Variants in TRABD2B observed in about 807,000 individuals in gnomAD.
TRABD2B encodes the protein metalloprotease TIKI2.
Under a neutral mutation model 40.1 loss-of-function variants are expected in TRABD2B, and 14 were observed. That is an observed-to-expected ratio of 0.35 (90% confidence interval 0.23 to 0.55). TRABD2B has a LOEUF of 0.55. Ranked by LOEUF, TRABD2B falls within the 20% of genes least tolerant of loss-of-function variation. The pLI is 0.90. For missense variants in TRABD2B, 541 were observed against 648.6 expected (o/e 0.83, Z 1.80); for synonymous variants, 263 against 277.0 (o/e 0.95, Z 0.50).
At chr1:47,838,647 T>C (rs1015241848) in intron 2 of TRABD2B, among the ~76,000 whole-genome samples, 1 of 152,242 alleles carries the variant, frequency 6.6e-6, no homozygotes, top group South Asian at 2.1e-4. Context: ...TAAGTCCCTT[T>C]GGTGACACTT....
At chr1:47,928,349 TA>T (rs1644996680) in intron 2 of TRABD2B, among the ~76,000 whole-genome samples, 1 of 152,226 alleles carries the variant, frequency 6.6e-6, no homozygotes, top group Admixed American at 6.5e-5. Flanking sequence ...TTGCCACCTG[TA>T]AAATGGGTAT....
At chr1:47,949,153 A>G (rs914277386) in intron 2 of TRABD2B, among the ~76,000 whole-genome samples, 60 of 152,300 alleles carry the variant, frequency 3.9e-4, no homozygotes, top group African/African-American at 1.4e-3. Flanking sequence ...TAATGCTACT[A>G]TGATGCATGC....
chr1:47,776,504 G>A (rs1644449166), intron 5 of TRABD2B, among the ~76,000 whole-genome samples: 1 of 152,218 alleles, frequency 6.6e-6, no homozygotes, highest in Non-Finnish European at 1.5e-5. Flanking sequence ...TCAGGCAGGC[G>A]CTAAAGTGTC....
intron 2 of TRABD2B, among the ~76,000 whole-genome samples, chr1:47,943,801 G>C (rs957199435): frequency 6.6e-5 from 8 of 121,694 alleles, no homozygotes; most frequent in African/African-American, 2.4e-4. Context: ...CACACACACA[G>C]AACACAATGG....
At chr1:47,805,072 G>T (rs1644873290) in intron 2 of TRABD2B, among the ~76,000 whole-genome samples, 1 of 152,122 alleles carries the variant, frequency 6.6e-6, no homozygotes, top group Admixed American at 6.5e-5. Flanking sequence ...GAGGAGAGGA[G>T]GCTAGGGTCC....
rs1276163737 is a variant in TRABD2B, at chr1:47,994,192, C to T, written c.508G>A (p.Val170Ile). The T allele has an allele frequency of 1.9e-6, 3 of 1,543,216 alleles. No homozygotes were observed. Among genetic ancestry groups the T allele is most frequent in the Non-Finnish European group, 2.6e-6 (3 of 1,150,170 alleles). Residue 170 changes from valine to isoleucine, a missense_variant, in exon 2 of 7, where the codon GTA (valine) becomes ATA (isoleucine). Val to Ile is a conservative substitution (Grantham distance 29). Transcript: ENST00000606738. This position sits in a 1 kb window ranked among gnomAD's most constrained non-coding sequence, Gnocchi z 6.7. ...ACGTCCCTCTCTGTGAGCGAGTTTA[C>T]CATGAGCATCACCCAGACGGGCCTC... is the stretch of plus-strand genomic sequence containing the variant. ...RKRPVWVMLM[V>I]NSLTERDVRF...
chr1:47,796,379 A>G (rs751246803), intron 3 of TRABD2B, among the ~76,000 whole-genome samples: 14 of 152,208 alleles, frequency 9.2e-5, no homozygotes, highest in Admixed American at 3.3e-4. Context: ...GGTGAGGTGG[A>G]TGGAGAGCCT....
chr1:47,830,897 T>C (rs1645239276), intron 2 of TRABD2B, among the ~76,000 whole-genome samples: 1 of 152,202 alleles, frequency 6.6e-6, no homozygotes, highest in Non-Finnish European at 1.5e-5. Context: ...GAAGAATGTT[T>C]CCAGCGTCTT....
intron 2 of TRABD2B, among the ~76,000 whole-genome samples, chr1:47,904,304 G>C (rs1416924404): frequency 6.6e-6 from 1 of 152,156 alleles, no homozygotes; most frequent in Non-Finnish European, 1.5e-5. Flanking sequence ...GATGGGGGAA[G>C]CACAGAGTGT....
At chr1:47,851,079 A>G (rs1444251282) in intron 2 of TRABD2B, among the ~76,000 whole-genome samples, 1 of 152,028 alleles carries the variant, frequency 6.6e-6, no homozygotes, top group Non-Finnish European at 1.5e-5. Flanking sequence ...CAGGCTATGG[A>G]CTGGTACCAG....
intron 2 of TRABD2B, among the ~76,000 whole-genome samples, chr1:47,834,895 T>C (rs1271203298): frequency 3.3e-5 from 5 of 152,114 alleles, no homozygotes; most frequent in African/African-American, 1.2e-4. Flanking sequence ...CAAGAAACTA[T>C]GAGCCATAAA....
intron 2 of TRABD2B, among the ~76,000 whole-genome samples, chr1:47,842,301 G>C (rs1359932977): frequency 6.6e-6 from 1 of 152,206 alleles, no homozygotes; most frequent in Non-Finnish European, 1.5e-5. Flanking sequence ...AGGGGCTCTG[G>C]CCACCTCAGA....
At chr1:47,792,564 C>A (rs187737979) in intron 4 of TRABD2B, among the ~76,000 whole-genome samples, 1 of 152,256 alleles carries the variant, frequency 6.6e-6, no homozygotes, top group Admixed American at 6.5e-5. Flanking sequence ...GAGAAGCTGG[C>A]GTTTGGCATG....
At chr1:47,934,352 C>G (rs12065858) in intron 2 of TRABD2B, among the ~76,000 whole-genome samples, 22,541 of 152,196 alleles carry the variant, frequency 0.15, 1,920 homozygotes, top group East Asian at 0.36. Context: ...CTCCCACAGT[C>G]CCTGCAGGCA....
chr1:47,780,581 C>T (rs1644507522), intron 4 of TRABD2B, among the ~76,000 whole-genome samples: 1 of 152,072 alleles, frequency 6.6e-6, no homozygotes. Context: ...GCTGTGAGGG[C>T]ACACAGGAGG....
chr1:47,995,258 G>T (rs1419264106), intron 1 of TRABD2B, among the ~76,000 whole-genome samples: 1 of 152,176 alleles, frequency 6.6e-6, no homozygotes, highest in Non-Finnish European at 1.5e-5. Flanking sequence ...CAGGTCTGGG[G>T]TGTCAGCTAC....
At chr1:47,872,247 A>G (rs1404366856) in intron 2 of TRABD2B, among the ~76,000 whole-genome samples, 3 of 152,182 alleles carry the variant, frequency 2.0e-5, no homozygotes, top group Non-Finnish European at 2.9e-5. Context: ...CTGGCCTCCC[A>G]GGATAACATT....
chr1:47,937,776 G>A (rs1645133336), intron 2 of TRABD2B, among the ~76,000 whole-genome samples: 1 of 152,184 alleles, frequency 6.6e-6, no homozygotes, highest in Non-Finnish European at 1.5e-5. Flanking sequence ...TCTGCCTCCT[G>A]CCCTGTGGAT....
At chr1:47,938,688 G>C (rs1270118289) in intron 2 of TRABD2B, among the ~76,000 whole-genome samples, 1 of 152,148 alleles carries the variant, frequency 6.6e-6, no homozygotes. Flanking sequence ...GGAATCATGT[G>C]TCCCTGTCTA....
Sources: allele counts gnomAD v4.1 joint callset (sites outside exome capture counted in the v4.1 genomes callset), GRCh38; gene constraint gnomAD v4.1.1; non-coding constraint Gnocchi (gnomAD v3.1); transcripts MANE v1.5; gene names NCBI Gene and HGNC (gene_info 2026-07-23, HGNC 2026-07-21).